The following NRG1 variants were observed in gnomAD, a reference collection of about 807,000 sequenced individuals.
NRG1 encodes neuregulin 1.
A neutral mutation model predicts 63.8 loss-of-function variants in NRG1; 18 were observed. The observed-to-expected ratio is 0.28, with a 90% CI of 0.19 to 0.42. The LOEUF (loss-of-function observed/expected upper bound fraction) is 0.42, where lower values mean the gene tolerates loss of function less well. Among genes scored for constraint, NRG1 ranks in the 10% least tolerant of loss-of-function variants. The pLI is 1.00. For synonymous variants in NRG1, 302 were observed against 301.3 expected (o/e 1.00, Z -0.02); for missense variants, 762 against 814.7 (o/e 0.94, Z 0.79).
At chr8:32,344,768 G>A (rs1297775953) in intron 1 of NRG1, among the ~76,000 whole-genome samples, 1 of 151,856 alleles carries the variant, frequency 6.6e-6, no homozygotes, top group Non-Finnish European at 1.5e-5. Flanking sequence ...TCCCAGTGCT[G>A]TAGAAAACTC....
intron 7 of NRG1, among the ~76,000 whole-genome samples, chr8:32,753,514 C>A (rs1829112038): frequency 6.6e-6 from 1 of 152,200 alleles, no homozygotes; most frequent in Non-Finnish European, 1.5e-5. Context: ...GGAATGTGCA[C>A]TCTATTCCAA....
At chr8:31,712,733 T>C (rs533175684) in intron 1 of NRG1, among the ~76,000 whole-genome samples, 9 of 152,196 alleles carry the variant, frequency 5.9e-5, no homozygotes, top group Non-Finnish European at 8.8e-5. Flanking sequence ...ATCAGTGTTG[T>C]TCCATCTCCT....
intron 1 of NRG1, among the ~76,000 whole-genome samples, chr8:32,251,516 A>C (rs767590611): frequency 2.6e-5 from 4 of 152,190 alleles, no homozygotes; most frequent in African/African-American, 9.6e-5. Flanking sequence ...TACAATAAAC[A>C]TATGTGTGCA....
chr8:32,115,197 A>C (rs2131495966), intron 1 of NRG1, among the ~76,000 whole-genome samples: 1 of 151,912 alleles, frequency 6.6e-6, no homozygotes, highest in East Asian at 2.0e-4. Flanking sequence ...TGCCTGGCTA[A>C]ATTTTGTATT....
chr8:31,842,572 A>G (rs1201681619), intron 1 of NRG1, among the ~76,000 whole-genome samples: 1 of 152,080 alleles, frequency 6.6e-6, no homozygotes, highest in Non-Finnish European at 1.5e-5. Context: ...CCTGACCATC[A>G]TGTTCCTTCT....
At chr8:31,848,683 T>G (rs1279964894) in intron 1 of NRG1, among the ~76,000 whole-genome samples, 1 of 152,140 alleles carries the variant, frequency 6.6e-6, no homozygotes. Flanking sequence ...CATAGAAGCA[T>G]GAACCCTATT....
At chr8:32,412,423 C>CATATATATATATAT (rs1178545836) in intron 1 of NRG1, among the ~76,000 whole-genome samples, 4 of 93,022 alleles carry the variant, frequency 4.3e-5, no homozygotes, top group African/African-American at 1.7e-4. Flanking sequence ...TCTCTCTCTA[C>CATATATATATATAT]ATATATATAT....
At position 32,202,178 on chromosome 8, in the gene NRG1, T is replaced by A. The variant is rs117629345; in HGVS notation, c.38-393650T>A. On this transcript the variant is annotated intron_variant, in intron 1 of 10. Coordinates refer to the NRG1 transcript ENST00000519301. ...ACTACTGTAAAAGAATCTTTGCCTGTCTTTCCACTTTATAATTATAAAGAA... is the reference window on the plus strand; with the variant it reads ...ACTACTGTAAAAGAATCTTTGCCTGACTTTCCACTTTATAATTATAAAGAA... Among the ~76,000 whole-genome samples the A allele has an allele frequency of 2.0e-5, 3 of 152,328 alleles. No homozygotes were observed. The East Asian group carries it at 5.8e-4, about 29-fold the overall frequency.
intron 1 of NRG1, among the ~76,000 whole-genome samples, chr8:31,769,261 C>T (rs1433877542): frequency 6.6e-6 from 1 of 152,110 alleles, no homozygotes; most frequent in African/African-American, 2.4e-5. Context: ...GTATCTTTGA[C>T]CTCTGTCACA....
intron 1 of NRG1, among the ~76,000 whole-genome samples, chr8:31,800,369 G>A (rs758149889): frequency 6.6e-6 from 1 of 152,296 alleles, no homozygotes; most frequent in African/African-American, 2.4e-5. Flanking sequence ...GTCATTACAT[G>A]TCTAAATCTT....
At position 32,651,406 on chromosome 8, in the gene NRG1, C is replaced by T. The variant is rs114462362; in HGVS notation, c.502+34521C>T. 2.0e-3 allele frequency among the ~76,000 whole-genome samples: 301 copies of T among 152,254 alleles called. 1 individual carries two copies. The highest frequency in any genetic ancestry group is 6.6e-3 in the African/African-American group (275 of 41,548). ...TAAGTTTTTACTTCTCAATGAGTCA[C>T]ATAATACTTGCACTATTCATTTGTT... On this transcript the variant is annotated intron_variant, in intron 5 of 11. Coordinates refer to ENST00000356819, the Ensembl canonical transcript of NRG1.
At chr8:32,361,625 A>C (rs1587065920) in intron 1 of NRG1, among the ~76,000 whole-genome samples, 1 of 152,040 alleles carries the variant, frequency 6.6e-6, no homozygotes. Flanking sequence ...TCAGTTTTAC[A>C]TACTTGGGTA....
intron 1 of NRG1, among the ~76,000 whole-genome samples, chr8:32,240,741 T>C (rs1381257461): frequency 6.6e-6 from 1 of 152,156 alleles, no homozygotes; most frequent in Non-Finnish European, 1.5e-5. Flanking sequence ...CTTTGTCCTA[T>C]ACATTTTTTT....
chr8:32,610,873 T>C (rs890193227), intron 3 of NRG1, among the ~76,000 whole-genome samples: 1 of 152,118 alleles, frequency 6.6e-6, no homozygotes, highest in Non-Finnish European at 1.5e-5. Flanking sequence ...GTGAATTCCT[T>C]TCATGAATTC....
chr8:31,742,774 A>G lies in NRG1; in HGVS notation c.37+103343A>G, dbSNP rs191497377. Among the ~76,000 whole-genome samples the G allele has an allele frequency of 4.9e-4, 75 of 152,062 alleles. 2 individuals carry two copies. The East Asian group carries it at 0.014, about 29-fold the overall frequency. ...AAATCTGGTGGCTCTGCTATTTTCA[A>G]CATGTGGCTTCTAAGGTCTCTGTGA... is the stretch of plus-strand genomic sequence containing the variant. On this transcript the variant is annotated intron_variant, in intron 1 of 10. Transcript: ENST00000519301.
At chr8:32,548,104 A>C, upstream of NRG1, 3 of 583,640 alleles carry the variant, frequency 5.1e-6, no homozygotes, top group Non-Finnish European at 4.3e-6. Flanking sequence ...CCGCCCGGCC[A>C]GCGCGGGAGG....
chr8:31,933,399 G>A (rs1360373177), intron 1 of NRG1, among the ~76,000 whole-genome samples: 1 of 151,876 alleles, frequency 6.6e-6, no homozygotes, highest in African/African-American at 2.4e-5. Context: ...TCCTGCCTCA[G>A]CCTCCCGAGT....
At chr8:31,738,056 A>T (rs78250275) in intron 1 of NRG1, among the ~76,000 whole-genome samples, 1 of 152,232 alleles carries the variant, frequency 6.6e-6, no homozygotes, top group Non-Finnish European at 1.5e-5. Context: ...TAATAGCTTT[A>T]AATAACAGTG....
chr8:32,763,862 G>T, exon 12 of NRG1: 1 of 1,614,042 alleles, frequency 6.2e-7, no homozygotes, highest in Non-Finnish European at 8.5e-7. Context: ...GCATGACGGT[G>T]TCCATGCCTT....
Sources: gnomAD v4.1 joint callset for allele counts (sites outside exome capture counted in the v4.1 genomes callset) on GRCh38, gnomAD v4.1.1 for gene constraint, MANE v1.5 for transcripts, NCBI Gene and HGNC (gene_info 2026-07-23, HGNC 2026-07-21) for gene names.